GRM3: variants seen among roughly 807,000 people sequenced by gnomAD.
GRM3 encodes the protein metabotropic glutamate receptor 3.
GRM3 carries 26 observed loss-of-function variants against 70.5 expected under a neutral mutation model. That is an observed-to-expected ratio of 0.37 (90% CI 0.27 to 0.51). GRM3 has a LOEUF of 0.51. Ranked by LOEUF, GRM3 falls within the 20% of genes least tolerant of loss-of-function variation. GRM3 has a pLI of 0.93. For synonymous variants in GRM3, 443 were observed against 434.9 expected, an observed-to-expected ratio of 1.02 and a Z score of -0.23; for missense variants, 859 against 1,123.8, an observed-to-expected ratio of 0.76 and a Z score of 3.37.
chr7:86,843,195 A>G (rs1041729775), intron 4 of GRM3, among the ~76,000 whole-genome samples: 1 of 152,188 alleles, frequency 6.6e-6, no homozygotes, highest in African/African-American at 2.4e-5. Context: ...TAAGTACATG[A>G]GCTCACTTAT....
intron 1 of GRM3, among the ~76,000 whole-genome samples, chr7:86,714,560 A>G (rs1795273034): frequency 6.6e-6 from 1 of 152,030 alleles, no homozygotes; most frequent in African/African-American, 2.4e-5. Context: ...TCCAGAATAT[A>G]ATACATCTTT....
intron 1 of GRM3, among the ~76,000 whole-genome samples, chr7:86,650,042 T>C (rs1793568032): frequency 6.6e-6 from 1 of 152,204 alleles, no homozygotes; most frequent in African/African-American, 2.4e-5. Context: ...TGTGTGTATA[T>C]ATTCTGATGC....
At chr7:86,670,967 T>C (rs771399549) in intron 1 of GRM3, among the ~76,000 whole-genome samples, 3 of 152,210 alleles carry the variant, frequency 2.0e-5, no homozygotes, top group Non-Finnish European at 4.4e-5. Flanking sequence ...AAATCCTACT[T>C]GTCCTTGAAG....
At chr7:86,753,589 AT>A in intron 1 of GRM3, among the ~76,000 whole-genome samples, 1 of 152,148 alleles carries the variant, frequency 6.6e-6, no homozygotes, top group East Asian at 1.9e-4. Flanking sequence ...TTTTTATTAT[AT>A]TTTAAGCTCT....
intron 1 of GRM3, among the ~76,000 whole-genome samples, chr7:86,749,763 A>T (rs1019317405): frequency 2.9e-4 from 44 of 152,106 alleles, no homozygotes; most frequent in Admixed American, 6.6e-5. Flanking sequence ...CCAGATAGAC[A>T]AACAAGCTGC....
chr7:86,844,383 A>T (rs1798614785), intron 4 of GRM3, among the ~76,000 whole-genome samples: 2 of 152,210 alleles, frequency 1.3e-5, no homozygotes, highest in Admixed American at 1.3e-4. Flanking sequence ...AAAGAAAAGC[A>T]TATGGCTACA....
At chr7:86,830,659 T>C (rs9655947) in intron 3 of GRM3, among the ~76,000 whole-genome samples, 17,796 of 152,174 alleles carry the variant, frequency 0.12, 1,132 homozygotes, top group African/African-American at 0.15. Flanking sequence ...AGATGTTAGA[T>C]ACAAAATAAT....
chr7:86,828,199 C>T (rs1297530972), intron 3 of GRM3, among the ~76,000 whole-genome samples: 2 of 148,922 alleles, frequency 1.3e-5, no homozygotes, highest in Admixed American at 1.3e-4. Flanking sequence ...ATTTGATTGA[C>T]TTATGAAAAG....
At chr7:86,821,429 G>A (rs1204874910) in intron 3 of GRM3, among the ~76,000 whole-genome samples, 5 of 152,092 alleles carry the variant, frequency 3.3e-5, no homozygotes, top group Admixed American at 1.3e-4. Context: ...TTGAATACCC[G>A]ATAGATGGCA....
At chr7:86,809,218 C>A (rs1257027259) in intron 3 of GRM3, among the ~76,000 whole-genome samples, 1 of 152,064 alleles carries the variant, frequency 6.6e-6, no homozygotes, top group Non-Finnish European at 1.5e-5. Context: ...AAATTAAGCA[C>A]AGTTAAAGTT....
intron 2 of GRM3, among the ~76,000 whole-genome samples, chr7:86,778,541 T>C (rs1377892921): frequency 6.6e-6 from 1 of 152,150 alleles, no homozygotes; most frequent in Non-Finnish European, 1.5e-5. Context: ...AAATAGTAAA[T>C]AAGGAACTGA....
intron 2 of GRM3, among the ~76,000 whole-genome samples, chr7:86,766,455 T>C (rs1436333112): frequency 6.6e-6 from 1 of 152,074 alleles, no homozygotes. Context: ...CATAATTTTG[T>C]TGGGAAAGAA....
chr7:86,666,673 C>A (rs540800918), intron 1 of GRM3, among the ~76,000 whole-genome samples: 2 of 151,994 alleles, frequency 1.3e-5, no homozygotes, highest in Non-Finnish European at 2.9e-5. Flanking sequence ...TCCAAACTAG[C>A]TATTTTTTTA....
rs200189790 is a variant in GRM3 at position 86,839,912 on chromosome 7, C to G, written c.2391+7C>G. The G allele has an allele frequency of 1.7e-5, 24 of 1,452,338 alleles. No homozygotes were observed. In the East Asian group the frequency reaches 5.0e-4, roughly 30 times the overall value. 90.0% of individuals were successfully genotyped at this position (1,452,338 alleles called of 1,614,324 possible). On this transcript the variant is annotated splice_region_variant and intron_variant, in intron 4 of 5. Transcript: ENST00000361669. The surrounding 1 kb of genome is among the most constrained non-coding windows in gnomAD (Gnocchi z 4.5). The stretch of plus-strand genomic sequence containing the variant: ...GACATCAAGTGACTACAGAGTAAGT[C>G]TTTGATTGTTTCTTATTTTTCTTGT...
intron 3 of GRM3, among the ~76,000 whole-genome samples, chr7:86,821,275 T>A (rs1798114740): frequency 6.6e-6 from 1 of 152,106 alleles, no homozygotes; most frequent in South Asian, 2.1e-4. Context: ...AGAACTGCTA[T>A]AGCTCATATA....
chr7:86,705,551 C>T (rs1029904469), intron 1 of GRM3, among the ~76,000 whole-genome samples: 2 of 152,010 alleles, frequency 1.3e-5, no homozygotes, highest in African/African-American at 4.8e-5. Flanking sequence ...AGACAAAGCT[C>T]TAGAAGCCTT....
intron 1 of GRM3, among the ~76,000 whole-genome samples, chr7:86,741,985 A>G (rs1374065239): frequency 6.6e-6 from 1 of 152,160 alleles, no homozygotes; most frequent in Non-Finnish European, 1.5e-5. Context: ...TGATACATTA[A>G]TTTTCTCATG....
At chr7:86,649,828 C>A (rs777336651) in intron 1 of GRM3, among the ~76,000 whole-genome samples, 22 of 151,980 alleles carry the variant, frequency 1.4e-4, no homozygotes, top group South Asian at 1.2e-3. Context: ...TTATTAAGTA[C>A]CTATTTTGAC....
chr7:86,673,107 A>G (rs545723679), intron 1 of GRM3, among the ~76,000 whole-genome samples: 2 of 152,250 alleles, frequency 1.3e-5, no homozygotes, highest in East Asian at 3.9e-4. Context: ...TTCCCCAGGT[A>G]TATATATTAT....
Sources: gnomAD v4.1 joint callset for allele counts (sites outside exome capture counted in the v4.1 genomes callset) on GRCh38, gnomAD v4.1.1 for gene constraint, Gnocchi (gnomAD v3.1) non-coding constraint, MANE v1.5 for transcripts, NCBI Gene and HGNC (gene_info 2026-07-23, HGNC 2026-07-21) for gene names.